MMP16: variants seen among roughly 807,000 people sequenced by gnomAD.
The protein encoded by MMP16 is matrix metallopeptidase 16.
In MMP16, 12 loss-of-function variants were observed where a neutral mutation model predicts 67.8. The ratio of observed to expected loss-of-function variants is 0.18; its 90% confidence interval spans 0.11 to 0.29. The LOEUF (loss-of-function observed/expected upper bound fraction) is 0.29, where lower values mean the gene tolerates loss of function less well. Among genes scored for constraint, MMP16 ranks in the 10% least tolerant of loss-of-function variants. MMP16 has a pLI of 1.00. For missense variants in MMP16, 475 were observed against 765.7 expected (o/e 0.62, Z 4.48); for synonymous variants, 249 against 255.9 (o/e 0.97, Z 0.26).
chr8:88,247,648 A>G (rs1311268496), intron 1 of MMP16, among the ~76,000 whole-genome samples: 1 of 152,282 alleles, frequency 6.6e-6, no homozygotes, highest in East Asian at 1.9e-4. Context: ...TGACAATAAA[A>G]GGTAGGAAAA....
At chr8:88,168,917 T>C (rs1369215560) in intron 3 of MMP16, among the ~76,000 whole-genome samples, 2 of 152,122 alleles carry the variant, frequency 1.3e-5, no homozygotes, top group African/African-American at 4.8e-5. Flanking sequence ...TGTGTTGCCC[T>C]GACTGGCCTT....
rs530382111 is a variant in MMP16 at position 88,128,181 on chromosome 8, A to G, written c.710-9320T>C. Among the ~76,000 whole-genome samples, 9 of 151,848 alleles carry G rather than the reference A, an allele frequency of 5.9e-5. No homozygotes were observed. The South Asian group carries it at 1.9e-3, about 31-fold the overall frequency. On this transcript the variant is annotated intron_variant, in intron 4 of 9. Transcript: ENST00000286614. ...AAGTTGGAAGCCAGTACATGCTTGC[A>G]CAATTGCATATGAGAGGAATAATTA...
intron 1 of MMP16, among the ~76,000 whole-genome samples, chr8:88,261,796 C>G (rs1810392929): frequency 1.3e-5 from 2 of 152,086 alleles, no homozygotes; most frequent in Non-Finnish European, 2.9e-5. Flanking sequence ...CACACACAAC[C>G]ATATAACCAT....
intron 1 of MMP16, among the ~76,000 whole-genome samples, chr8:88,200,069 A>T (rs1207713232): frequency 6.6e-6 from 1 of 151,976 alleles, no homozygotes; most frequent in Non-Finnish European, 1.5e-5. Context: ...ATGCTTACCA[A>T]CTACCCTGAG....
intron 1 of MMP16, among the ~76,000 whole-genome samples, chr8:88,308,891 G>C (rs1291590968): frequency 6.6e-6 from 1 of 151,750 alleles, no homozygotes; most frequent in African/African-American, 2.4e-5. Context: ...AACACAAGTT[G>C]GCAGAAAAAG....
At chr8:88,288,323 T>C (rs1810865828) in intron 1 of MMP16, among the ~76,000 whole-genome samples, 1 of 152,228 alleles carries the variant, frequency 6.6e-6, no homozygotes. Context: ...GCAATTAACA[T>C]AAACATTTCA....
chr8:88,304,194 C>G (rs1287543440), intron 1 of MMP16, among the ~76,000 whole-genome samples: 2 of 152,072 alleles, frequency 1.3e-5, no homozygotes, highest in Non-Finnish European at 2.9e-5. Flanking sequence ...GGGAAAGGAT[C>G]TCAGAGCTTG....
At chr8:88,112,201 T>C (rs1001294568) in intron 6 of MMP16, among the ~76,000 whole-genome samples, 9 of 151,644 alleles carry the variant, frequency 5.9e-5, no homozygotes, top group Non-Finnish European at 1.3e-4. Context: ...TTTTTTTTTT[T>C]TGACACTAAA....
chr8:88,097,262 A>C (rs888624624), intron 6 of MMP16, among the ~76,000 whole-genome samples: 1 of 151,870 alleles, frequency 6.6e-6, no homozygotes, highest in Non-Finnish European at 1.5e-5. Context: ...AACTATATTG[A>C]TCCTCAGTAT....
At chr8:88,101,673 A>G (rs1809147644) in intron 6 of MMP16, among the ~76,000 whole-genome samples, 1 of 151,906 alleles carries the variant, frequency 6.6e-6, no homozygotes, top group Non-Finnish European at 1.5e-5. Context: ...TTGGTTTAAC[A>G]ATAGCTCCAT....
intron 4 of MMP16, among the ~76,000 whole-genome samples, chr8:88,130,987 T>G (rs550879846): frequency 3.9e-5 from 6 of 151,940 alleles, no homozygotes; most frequent in Admixed American, 3.9e-4. Context: ...TTTCTTTTCC[T>G]TTTAATTATG....
chr8:88,276,806 G>C (rs1251507241), intron 1 of MMP16, among the ~76,000 whole-genome samples: 1 of 152,012 alleles, frequency 6.6e-6, no homozygotes, highest in African/African-American at 2.4e-5. Context: ...TAACCACTCT[G>C]CATTGGTTAA....
chr8:88,158,450 G>T lies in MMP16; in HGVS notation c.709+9219C>A, dbSNP rs1808553153. Reference sequence around the variant, plus strand: ...ATGAGCACTTTTTCATGTGTCTGTTGGCTGCATAAATGTCTTCTTTTGAGA... The same window carrying T: ...ATGAGCACTTTTTCATGTGTCTGTTTGCTGCATAAATGTCTTCTTTTGAGA... On this transcript the variant is annotated intron_variant, in intron 4 of 9. Transcript: ENST00000286614. 2.0e-5 allele frequency among the ~76,000 whole-genome samples: 3 copies of T among 152,236 alleles called. No individual in the cohort carries two copies. The South Asian group carries it at 6.2e-4, about 32-fold the overall frequency.
chr8:88,078,356 C>T (rs1808687312), intron 6 of MMP16, among the ~76,000 whole-genome samples: 2 of 152,142 alleles, frequency 1.3e-5, no homozygotes, highest in Admixed American at 1.3e-4. Context: ...ATTTAGTTCA[C>T]AGAGATAAAT....
intron 1 of MMP16, among the ~76,000 whole-genome samples, chr8:88,224,948 A>T (rs1761046605): frequency 6.6e-6 from 1 of 151,900 alleles, no homozygotes; most frequent in Non-Finnish European, 1.5e-5. Flanking sequence ...AATTTGAGAG[A>T]GTTTTTGGCC....
At chr8:88,256,823 C>T (rs1412052343) in intron 1 of MMP16, among the ~76,000 whole-genome samples, 2 of 152,098 alleles carry the variant, frequency 1.3e-5, no homozygotes, top group South Asian at 2.1e-4. Context: ...GTTTTCCTTG[C>T]TAGAAGCTTT....
At chr8:88,050,030 A>C (rs2118209463) in intron 8 of MMP16, among the ~76,000 whole-genome samples, 1 of 151,716 alleles carries the variant, frequency 6.6e-6, no homozygotes, top group African/African-American at 2.4e-5. Context: ...GTCACAAAAT[A>C]ATAATAATAG....
At chr8:88,284,086 T>C (rs1810785548) in intron 1 of MMP16, among the ~76,000 whole-genome samples, 1 of 152,228 alleles carries the variant, frequency 6.6e-6, no homozygotes. Flanking sequence ...CAAAAATTGC[T>C]TGATGACACT....
intron 6 of MMP16, among the ~76,000 whole-genome samples, chr8:88,083,418 CA>C (rs1808785575): frequency 6.6e-6 from 1 of 151,852 alleles, no homozygotes; most frequent in Admixed American, 6.6e-5. Flanking sequence ...TGCGACAAAG[CA>C]AGAAATTACT....
Sources: allele counts gnomAD v4.1 joint callset (sites outside exome capture counted in the v4.1 genomes callset), GRCh38; gene constraint gnomAD v4.1.1; transcripts MANE v1.5; gene names NCBI Gene and HGNC (gene_info 2026-07-23, HGNC 2026-07-21).